KIRREL1: variants seen among roughly 807,000 people sequenced by gnomAD.
KIRREL1 encodes the protein kin of IRRE-like protein 1.
Under a neutral mutation model 83.3 loss-of-function variants are expected in KIRREL1, and 25 were observed. The ratio of observed to expected loss-of-function variants is 0.30; its 90% CI spans 0.22 to 0.42. The LOEUF (loss-of-function observed/expected upper bound fraction) is 0.42, where lower values mean the gene tolerates loss of function less well. KIRREL1 is among the 10% of genes least tolerant of loss of function. The probability of loss-of-function intolerance (pLI) is 1.00; values close to 1 mark genes in which losing one functional copy is unlikely to be tolerated. For synonymous variants in KIRREL1, 388 were observed against 410.4 expected (o/e 0.95, Z 0.66); for missense variants, 812 against 1,032.3 (o/e 0.79, Z 2.92).
chr1:158,069,302 T>TGTGTG (rs1661441927), intron 1 of KIRREL1, among the ~76,000 whole-genome samples: 2 of 143,292 alleles, frequency 1.4e-5, no homozygotes, highest in African/African-American at 2.6e-5. Context: ...TATGACGTAC[T>TGTGTG]TGTGTGTGTG....
At chr1:158,008,501 G>A (rs571157631) in intron 1 of KIRREL1, among the ~76,000 whole-genome samples, 15 of 152,254 alleles carry the variant, frequency 9.9e-5, no homozygotes, top group Admixed American at 2.6e-4. Context: ...TCAGTCAACC[G>A]TGTGCTGGGA....
At chr1:158,057,475 T>C (rs987376790) in intron 1 of KIRREL1, among the ~76,000 whole-genome samples, 3 of 152,178 alleles carry the variant, frequency 2.0e-5, no homozygotes, top group African/African-American at 7.2e-5. Context: ...TTCACAGACA[T>C]AGAATATTCC....
intron 1 of KIRREL1, among the ~76,000 whole-genome samples, chr1:158,017,380 CT>C (rs142386691): frequency 3.3e-5 from 5 of 150,132 alleles, no homozygotes; most frequent in Admixed American, 6.6e-5. Context: ...GGCTTTCTCT[CT>C]TTTTTTTTTC....
At chr1:158,033,074 A>T (rs2101674504) in intron 1 of KIRREL1, among the ~76,000 whole-genome samples, 1 of 149,686 alleles carries the variant, frequency 6.7e-6, no homozygotes, top group Non-Finnish European at 1.5e-5. Context: ...CCCGGCCGGG[A>T]TCCTCACTTT....
intron 8 of KIRREL1, among the ~76,000 whole-genome samples, 175 bp downstream of exon 8, chr1:158,088,629 C>T (rs1417380207): frequency 2.6e-5 from 4 of 151,502 alleles, no homozygotes; most frequent in African/African-American, 9.7e-5. Context: ...GGACTACAGG[C>T]GCCCGCTACC....
chr1:158,042,609 AT>A (rs1660659213), intron 1 of KIRREL1, among the ~76,000 whole-genome samples: 1 of 152,124 alleles, frequency 6.6e-6, no homozygotes, highest in African/African-American at 2.4e-5. Context: ...GCACTGGTCT[AT>A]GTACTTTACA....
At chr1:158,041,330 T>C (rs777772725) in intron 1 of KIRREL1, among the ~76,000 whole-genome samples, 1 of 152,206 alleles carries the variant, frequency 6.6e-6, no homozygotes, top group Non-Finnish European at 1.5e-5. Context: ...AAGGTGGTCC[T>C]GGTCTTGAAG....
intron 1 of KIRREL1, among the ~76,000 whole-genome samples, chr1:158,068,459 T>A (rs1661414855): frequency 6.6e-6 from 1 of 152,134 alleles, no homozygotes; most frequent in African/African-American, 2.4e-5. Flanking sequence ...GGGCTGTGTA[T>A]AAGGCAAAAT....
chr1:158,040,208 C>G (rs1267588602), intron 1 of KIRREL1, among the ~76,000 whole-genome samples: 1 of 152,174 alleles, frequency 6.6e-6, no homozygotes. Context: ...TATTGAGACC[C>G]TTATGTAAGA....
At chr1:158,050,615 G>A (rs1292282346) in intron 1 of KIRREL1, among the ~76,000 whole-genome samples, 2 of 152,152 alleles carry the variant, frequency 1.3e-5, no homozygotes, top group Non-Finnish European at 2.9e-5. Context: ...AGTACAATGT[G>A]TTCAGTGTTC....
chr1:158,002,630 A>G (rs532305567), intron 1 of KIRREL1, among the ~76,000 whole-genome samples: 148 of 152,328 alleles, frequency 9.7e-4, no homozygotes, highest in African/African-American at 2.8e-3. Context: ...CACTCTCAGT[A>G]TGGTGTGGGA....
chr1:158,029,337 C>CTGTGTGTGTGTGTGTG (rs60980289), intron 1 of KIRREL1, among the ~76,000 whole-genome samples: 2,394 of 69,250 alleles, frequency 0.035, 28 homozygotes, highest in Middle Eastern at 0.061. Flanking sequence ...TAACAAAAAC[C>CTGTGTGTGTGTGTGTG]TGTGTGTGTG....
At chr1:158,070,620 A>G (rs1399537327) in intron 1 of KIRREL1, among the ~76,000 whole-genome samples, 10 of 152,200 alleles carry the variant, frequency 6.6e-5, no homozygotes, top group Non-Finnish European at 1.5e-4. Context: ...TGTTATAACC[A>G]GAGGCCCCAA....
In KIRREL1 at chr1:158,081,806, C is replaced by T. The variant is rs1661867271; in HGVS notation, c.353-2616C>T. On this transcript the variant is annotated intron_variant, in intron 3 of 14. Coordinates refer to ENST00000359209, the MANE Select transcript of KIRREL1 (RefSeq NM_018240.7). Reference sequence around the variant, plus strand: ...AAAGGTAGACTGCTGGCAGAGGTGACAGATGGGTAGTCTTTGCATGAACAA... The same window carrying T: ...AAAGGTAGACTGCTGGCAGAGGTGATAGATGGGTAGTCTTTGCATGAACAA... Among the ~76,000 whole-genome samples, 3 of 152,128 alleles carry T rather than the reference C, an allele frequency of 2.0e-5. No individual in the cohort carries two copies. In the South Asian group the frequency reaches 6.2e-4, roughly 32 times the overall value.
chr1:158,090,992 G>A (rs376997463), intron 10 of KIRREL1, among the ~76,000 whole-genome samples: 5 of 152,238 alleles, frequency 3.3e-5, no homozygotes, highest in South Asian at 2.1e-4. Flanking sequence ...TCCCAGTGTC[G>A]GTTCAATGGA....
chr1:158,000,654 C>CT (rs376475025), intron 1 of KIRREL1, among the ~76,000 whole-genome samples: 335 of 152,340 alleles, frequency 2.2e-3, no homozygotes, highest in African/African-American at 7.5e-3. Context: ...TACTCTCCCT[C>CT]TATCAGCTGA....
chr1:158,007,984 C>T (rs1020554342), intron 1 of KIRREL1, among the ~76,000 whole-genome samples: 10 of 152,240 alleles, frequency 6.6e-5, no homozygotes, highest in Admixed American at 5.2e-4. Flanking sequence ...CCCCTAATTG[C>T]TTGGCTCACC....
intron 1 of KIRREL1, among the ~76,000 whole-genome samples, chr1:158,043,376 C>T (rs1660693254): frequency 6.6e-6 from 1 of 152,088 alleles, no homozygotes; most frequent in Admixed American, 6.5e-5. Context: ...TCCATTCCTG[C>T]TCAGATGTGC....
intron 1 of KIRREL1, among the ~76,000 whole-genome samples, chr1:158,042,872 G>GA (rs989469058): frequency 7.0e-6 from 1 of 142,136 alleles, no homozygotes; most frequent in African/African-American, 2.6e-5. Context: ...AGGAGATCGA[G>GA]ACCATCCTGG....
Sources: gnomAD v4.1 joint callset for allele counts (sites outside exome capture counted in the v4.1 genomes callset) on GRCh38, gnomAD v4.1.1 for gene constraint, MANE v1.5 for transcripts, NCBI Gene and HGNC (gene_info 2026-07-23, HGNC 2026-07-21) for gene names.